Variants in CDH4 observed in about 807,000 individuals in gnomAD.
CDH4 encodes cadherin-4.
Under a neutral mutation model 86.0 loss-of-function variants are expected in CDH4, and 33 were observed. That is an observed-to-expected ratio of 0.38 (90% CI 0.29 to 0.51). The LOEUF (loss-of-function observed/expected upper bound fraction) is 0.51, where lower values mean the gene tolerates loss of function less well. CDH4 is among the 20% of genes least tolerant of loss of function. The probability of loss-of-function intolerance (pLI) is 0.86; values close to 1 mark genes in which losing one functional copy is unlikely to be tolerated. For missense variants in CDH4, 1,114 were observed against 1,307.4 expected (o/e 0.85, Z 2.28); for synonymous variants, 555 against 549.4 (o/e 1.01, Z -0.14).
intron 2 of CDH4, among the ~76,000 whole-genome samples, chr20:61,572,403 A>G (rs1213804933): frequency 1.3e-5 from 2 of 152,200 alleles, no homozygotes; most frequent in Non-Finnish European, 2.9e-5. Flanking sequence ...GAAGGGACAG[A>G]GGATGTTTGC....
At chr20:61,529,928 C>T (rs943238490) in intron 2 of CDH4, among the ~76,000 whole-genome samples, 5 of 152,162 alleles carry the variant, frequency 3.3e-5, no homozygotes, top group South Asian at 2.1e-4. Context: ...ACCTCTGCCT[C>T]GCAGATTCAA....
chr20:61,913,760 G>A (rs2054876227), intron 9 of CDH4, among the ~76,000 whole-genome samples: 1 of 152,248 alleles, frequency 6.6e-6, no homozygotes, highest in Non-Finnish European at 1.5e-5. Context: ...CTCACAGCAG[G>A]AAGGCCCTGG....
chr20:61,857,963 C>G (rs1034912540), intron 6 of CDH4, among the ~76,000 whole-genome samples: 3 of 142,912 alleles, frequency 2.1e-5, no homozygotes, highest in Admixed American at 6.9e-5. Context: ...CTGTGTGTGT[C>G]TCTGTGTGTC....
At chr20:61,398,996 G>T (rs1009137719) in intron 2 of CDH4, among the ~76,000 whole-genome samples, 1 of 152,144 alleles carries the variant, frequency 6.6e-6, no homozygotes, top group African/African-American at 2.4e-5. Flanking sequence ...GCTGATGTGG[G>T]TTAAATGTGG....
chr20:61,820,081 CG>C (rs573294196), intron 4 of CDH4, among the ~76,000 whole-genome samples: 4 of 152,208 alleles, frequency 2.6e-5, no homozygotes, highest in East Asian at 3.9e-4. Context: ...GCTTCAGACT[CG>C]GGGGGTCCTG....
At chr20:61,549,568 C>G (rs1249546797) in intron 2 of CDH4, among the ~76,000 whole-genome samples, 2 of 152,220 alleles carry the variant, frequency 1.3e-5, no homozygotes, top group African/African-American at 2.4e-5. Flanking sequence ...CCAGATGCTC[C>G]TCGTGTGTTC....
chr20:61,337,283 A>G (rs1329084262), intron 2 of CDH4, among the ~76,000 whole-genome samples: 1 of 204 alleles, frequency 4.9e-3, no homozygotes, highest in Non-Finnish European at 0.015. Flanking sequence ...TGATATGATA[A>G]TAACACTAAT....
At chr20:61,406,248 CCGGACCACCA>C (rs2085081380) in intron 2 of CDH4, among the ~76,000 whole-genome samples, 1 of 151,884 alleles carries the variant, frequency 6.6e-6, no homozygotes, top group African/African-American at 2.4e-5. Flanking sequence ...TCTGCTCTAC[CCGGACCACCA>C]TCTGCTCTAC....
chr20:61,842,178 G>C (rs920572474), intron 4 of CDH4, among the ~76,000 whole-genome samples: 1 of 152,214 alleles, frequency 6.6e-6, no homozygotes, highest in African/African-American at 2.4e-5. Context: ...GCAGAGATGA[G>C]GTGCCTGGCG....
At position 61,829,612 on chromosome 20, in the gene CDH4, A is replaced by G. The variant is rs1425494209; in HGVS notation, c.577-15056A>G. Among the ~76,000 whole-genome samples the G allele has an allele frequency of 6.6e-6, 1 of 152,182 alleles. No individual in the cohort carries two copies. The highest frequency in any genetic ancestry group is 1.5e-5 in the Non-Finnish European group (1 of 68,022). On this transcript the variant is annotated intron_variant, in intron 4 of 15. Coordinates refer to ENST00000614565, the MANE Select transcript of CDH4 (RefSeq NM_001794.5). The surrounding 1 kb of genome is among the most constrained non-coding windows in gnomAD (Gnocchi z 4.2). The stretch of plus-strand genomic sequence containing the variant: ...GGCTCTGCGGGCCTCCTGTTGAGGA[A>G]GCCCTGGCGAGTGGGGGCTCCTCTG...
chr20:61,605,440 CCTCT>C (rs1264712252), intron 2 of CDH4, among the ~76,000 whole-genome samples: 2 of 150,350 alleles, frequency 1.3e-5, no homozygotes, highest in East Asian at 2.0e-4. Context: ...TATCTGTCTC[CCTCT>C]CTCTCTTTCT....
chr20:61,605,733 A>G (rs776064613), intron 2 of CDH4, among the ~76,000 whole-genome samples: 30 of 151,876 alleles, frequency 2.0e-4, no homozygotes, highest in Admixed American at 5.2e-4. Context: ...ACTCCTTTCC[A>G]TGAAACAGTA....
At chr20:61,348,249 CA>C (rs36065401) in intron 2 of CDH4, among the ~76,000 whole-genome samples, 30,138 of 152,048 alleles carry the variant, frequency 0.2, 2,981 homozygotes, top group Middle Eastern at 0.35. Flanking sequence ...GCACATCTTA[CA>C]TGGTGGCAGG....
chr20:61,321,743 C>T (rs984019755), intron 2 of CDH4, among the ~76,000 whole-genome samples: 2 of 152,144 alleles, frequency 1.3e-5, no homozygotes, highest in African/African-American at 2.4e-5. Context: ...CTGCGTGCCA[C>T]GCATGTCACA....
In CDH4 at chr20:61,839,118, G is replaced by A. The variant is rs531693055; in HGVS notation, c.577-5550G>A. On this transcript the variant is annotated intron_variant, in intron 4 of 15. Transcript: ENST00000614565. ...TAGAAGGAGAAAGCTGAAACACCTC[G>A]CTGAAGAATTACATCCTTCTGGAAG... Among the ~76,000 whole-genome samples the A allele has an allele frequency of 2.0e-5, 3 of 152,294 alleles. No homozygotes were observed. The East Asian group carries it at 5.8e-4, about 29-fold the overall frequency.
At chr20:61,488,087 G>A (rs2085606268) in intron 2 of CDH4, among the ~76,000 whole-genome samples, 1 of 152,200 alleles carries the variant, frequency 6.6e-6, no homozygotes, top group Admixed American at 6.5e-5. Context: ...CCATTTATTT[G>A]TCTTGTATGA....
At chr20:61,591,783 T>G (rs560989975) in intron 2 of CDH4, among the ~76,000 whole-genome samples, 23 of 152,312 alleles carry the variant, frequency 1.5e-4, no homozygotes, top group African/African-American at 5.3e-4. Flanking sequence ...GCAATTGGTT[T>G]TCTGAATTAC....
At chr20:61,933,217 A>C in intron 14 of CDH4, 93 bp downstream of exon 14, 1 of 1,482,350 alleles carries the variant, frequency 6.7e-7, no homozygotes, top group African/African-American at 1.4e-5. Flanking sequence ...TTTAACAGTA[A>C]GACATTTCAA....
At chr20:61,887,065 C>T (rs966524370) in intron 7 of CDH4, among the ~76,000 whole-genome samples, 11 of 152,220 alleles carry the variant, frequency 7.2e-5, no homozygotes, top group Admixed American at 2.0e-4. Flanking sequence ...TGCAGGAGCT[C>T]CCATGACCGC....
Sources: allele counts gnomAD v4.1 joint callset (sites outside exome capture counted in the v4.1 genomes callset), GRCh38; gene constraint gnomAD v4.1.1; non-coding constraint Gnocchi (gnomAD v3.1); transcripts MANE v1.5; gene names NCBI Gene and HGNC (gene_info 2026-07-23, HGNC 2026-07-21).